The following RGS7 variants were observed in gnomAD, a reference collection of about 807,000 sequenced individuals.
RGS7 encodes regulator of G protein signaling 7.
RGS7 carries 27 observed loss-of-function variants against 81.1 expected under a neutral mutation model. The observed-to-expected ratio is 0.33, with a 90% CI of 0.25 to 0.46. The LOEUF (loss-of-function observed/expected upper bound fraction) is 0.46. Ranked by LOEUF, RGS7 falls within the 20% of genes least tolerant of loss-of-function variation. RGS7 has a pLI of 1.00. For missense variants in RGS7, 396 were observed against 607.4 expected (o/e 0.65, Z 3.66); for synonymous variants, 208 against 207.7 (o/e 1.00, Z -0.01).
At position 240,915,376 on chromosome 1, in the gene RGS7, C is replaced by A. The variant is rs555529331; in HGVS notation, c.385+15341G>T. Among the ~76,000 whole-genome samples the A allele has an allele frequency of 2.0e-5, 3 of 152,268 alleles. No homozygotes were observed. In the South Asian group the frequency reaches 6.2e-4, roughly 32 times the overall value. On this transcript the variant is annotated intron_variant, in intron 6 of 18. Coordinates refer to ENST00000440928, the MANE Select transcript of RGS7 (RefSeq NM_001364886.1). Reference sequence around the variant, plus strand: ...GCTCACTGTGGGACTGGGTCCTAATCATCAGATTATACAAAGCATCCCCCT... The same window carrying A: ...GCTCACTGTGGGACTGGGTCCTAATAATCAGATTATACAAAGCATCCCCCT...
At chr1:241,316,681 T>C (rs1175016107) in intron 2 of RGS7, among the ~76,000 whole-genome samples, 1 of 152,220 alleles carries the variant, frequency 6.6e-6, no homozygotes, top group African/African-American at 2.4e-5. Flanking sequence ...TTGAGAATTT[T>C]TGCATCCATA....
chr1:241,302,678 T>C (rs999759566), intron 2 of RGS7, among the ~76,000 whole-genome samples: 5 of 152,160 alleles, frequency 3.3e-5, no homozygotes, highest in African/African-American at 1.2e-4. Flanking sequence ...ATGAGCAAAG[T>C]AGAGAAAAAT....
chr1:241,159,425 A>T (rs1002309592), intron 2 of RGS7, among the ~76,000 whole-genome samples: 1 of 152,124 alleles, frequency 6.6e-6, no homozygotes, highest in African/African-American at 2.4e-5. Context: ...ACACCTACTT[A>T]TCCTTCTAGA....
intron 2 of RGS7, among the ~76,000 whole-genome samples, chr1:241,305,005 G>C (rs1470095033): frequency 6.6e-6 from 1 of 152,138 alleles, no homozygotes; most frequent in Non-Finnish European, 1.5e-5. Flanking sequence ...AATTTGACAA[G>C]AAACTTCAGC....
Position 241,336,439 on chromosome 1 carries a change from T to C in RGS7, c.78+19260A>G, listed in dbSNP as rs964261403. Reference sequence around the variant, plus strand: ...GAGGAAGTAGAAACTAAGAGAAGGATAATCCCTAAAACATAGGAATCCAGA... The same window carrying C: ...GAGGAAGTAGAAACTAAGAGAAGGACAATCCCTAAAACATAGGAATCCAGA... On this transcript the variant is annotated intron_variant, in intron 2 of 18. Coordinates refer to ENST00000440928, the MANE Select transcript of RGS7 (RefSeq NM_001364886.1). 7.9e-5 allele frequency among the ~76,000 whole-genome samples: 12 copies of C among 152,204 alleles called. No individual in the cohort carries two copies. The South Asian group carries it at 1.0e-3, about 13-fold the overall frequency.
At chr1:241,249,019 C>T (rs2076701691) in intron 2 of RGS7, among the ~76,000 whole-genome samples, 1 of 152,092 alleles carries the variant, frequency 6.6e-6, no homozygotes, top group African/African-American at 2.4e-5. Context: ...TATACAAGTG[C>T]TTTGTTGGAT....
chr1:240,975,147 T>C (rs1020905619), intron 4 of RGS7, among the ~76,000 whole-genome samples: 7 of 152,122 alleles, frequency 4.6e-5, no homozygotes, highest in African/African-American at 1.7e-4. Context: ...CTCACACCTG[T>C]AATCCCAGCA....
chr1:240,779,681 A>G (rs1683647649), intron 18 of RGS7, among the ~76,000 whole-genome samples: 1 of 152,212 alleles, frequency 6.6e-6, no homozygotes, highest in South Asian at 2.1e-4. Context: ...AGCTGACTAT[A>G]ACGGACTGAA....
At chr1:241,025,703 T>C (rs1262560584) in intron 3 of RGS7, among the ~76,000 whole-genome samples, 5 of 152,194 alleles carry the variant, frequency 3.3e-5, no homozygotes, top group Non-Finnish European at 7.3e-5. Context: ...GAAGCTTTTT[T>C]TTTTTAATGA....
At chr1:240,981,468 T>G (rs1426168045) in intron 4 of RGS7, among the ~76,000 whole-genome samples, 1 of 152,154 alleles carries the variant, frequency 6.6e-6, no homozygotes, top group African/African-American at 2.4e-5. Flanking sequence ...TGATCCTTAA[T>G]AGTCTTTGCC....
In RGS7 at chr1:241,269,938, G is replaced by A. The variant is rs866356594; in HGVS notation, c.78+85761C>T. Among the ~76,000 whole-genome samples, 36 of 152,314 alleles carry A rather than the reference G, an allele frequency of 2.4e-4. 1 individual carries two copies. The highest frequency in any genetic ancestry group is 6.8e-3 in the Middle Eastern group (2 of 294). ...AGGGCATTATGAGGCTGAAATAACT[G>A]TAGCTCACTCTTCCTGAACCTCATT... On this transcript the variant is annotated intron_variant, in intron 2 of 18. Transcript: ENST00000440928.
intron 4 of RGS7, among the ~76,000 whole-genome samples, chr1:240,945,764 G>C (rs920825000): frequency 1.3e-5 from 2 of 152,152 alleles, no homozygotes; most frequent in African/African-American, 4.8e-5. Context: ...ACTGATGTTT[G>C]CAACTTTTGA....
chr1:241,310,047 A>C (rs1475064506), intron 2 of RGS7, among the ~76,000 whole-genome samples: 1 of 152,222 alleles, frequency 6.6e-6, no homozygotes, highest in Non-Finnish European at 1.5e-5. Context: ...AGGATAAGAA[A>C]TGTGTCAGCT....
At chr1:241,219,053 G>C (rs575565759) in intron 2 of RGS7, among the ~76,000 whole-genome samples, 3 of 152,230 alleles carry the variant, frequency 2.0e-5, no homozygotes, top group Non-Finnish European at 4.4e-5. Flanking sequence ...CCACTGTCAG[G>C]AGCTACAAGG....
chr1:241,093,527 T>C (rs2064033178), intron 3 of RGS7, among the ~76,000 whole-genome samples: 1 of 152,118 alleles, frequency 6.6e-6, no homozygotes. Context: ...AAAACGTAGT[T>C]AGCATGCATC....
At chr1:240,955,905 T>C (rs1178726947) in intron 4 of RGS7, among the ~76,000 whole-genome samples, 1 of 147,038 alleles carries the variant, frequency 6.8e-6, no homozygotes, top group Non-Finnish European at 1.5e-5. Context: ...AAATGCAAAA[T>C]GCAAAATCAG....
intron 6 of RGS7, among the ~76,000 whole-genome samples, chr1:240,895,605 A>G (rs1281553154): frequency 1.3e-5 from 2 of 152,138 alleles, no homozygotes; most frequent in Non-Finnish European, 2.9e-5. Context: ...TGTCCCTACA[A>G]AGGACATGAA....
At chr1:240,848,351 A>T (rs941734406) in intron 9 of RGS7, among the ~76,000 whole-genome samples, 1 of 152,206 alleles carries the variant, frequency 6.6e-6, no homozygotes, top group Non-Finnish European at 1.5e-5. Flanking sequence ...TTGTTATCTT[A>T]CATGAAAAAA....
At position 241,315,107 on chromosome 1, in the gene RGS7, CTTTTTTTTTTTTT is replaced by C. The variant is rs5782184; in HGVS notation, c.78+40579_78+40591del. Among the ~76,000 whole-genome samples, 47 of 57,442 alleles carry C rather than the reference CTTTTTTTTTTTTT, an allele frequency of 8.2e-4. 1 individual carries two copies. The highest frequency in any genetic ancestry group is 1.2e-4 in the Non-Finnish European group (4 of 34,038). 37.7% of individuals were successfully genotyped at this position (57,442 alleles called of 152,430 possible). A position where few individuals can be genotyped will look rare whatever the true frequency, so the allele number is the denominator to read the frequency against. Reference sequence around the variant, plus strand: ...GAAGCTTTTTTTTTTTCTTCTTCTTCTTTTTTTTTTTTTTTTTTTTTTTTTTTGAGATGCAGAA... The same window carrying C: ...GAAGCTTTTTTTTTTTCTTCTTCTTCTTTTTTTTTTTTTTGAGATGCAGAA... On this transcript the variant is annotated intron_variant, in intron 2 of 18. Transcript: ENST00000440928.
Sources: allele counts gnomAD v4.1 joint callset (sites outside exome capture counted in the v4.1 genomes callset), GRCh38; gene constraint gnomAD v4.1.1; transcripts MANE v1.5; gene names NCBI Gene and HGNC (gene_info 2026-07-23, HGNC 2026-07-21).